The following LY96 variants were observed in gnomAD, a reference collection of about 807,000 sequenced individuals.
LY96 encodes the protein lymphocyte antigen 96.
A neutral mutation model predicts 18.9 loss-of-function variants in LY96; 18 were observed. That is an observed-to-expected ratio of 0.95 (90% confidence interval 0.66 to 1.41). The LOEUF (loss-of-function observed/expected upper bound fraction) is 1.41, where lower values mean the gene tolerates loss of function less well. Among genes scored for constraint, LY96 ranks in the 40% most tolerant of loss-of-function variants. LY96 has a pLI of 0.00. For missense variants in LY96, 175 were observed against 182.4 expected, an observed-to-expected ratio of 0.96 and a Z score of 0.23; for synonymous variants, 66 against 62.6, an observed-to-expected ratio of 1.06 and a Z score of -0.26.
chr8:74,054,190 C>A, the LY96 span, among the ~76,000 whole-genome samples: 2 of 152,070 alleles, frequency 1.3e-5, no homozygotes, highest in African/African-American at 4.8e-5. Context: ...CCATGCCCAA[C>A]TATTTACAAG....
At chr8:74,017,868 A>G (rs555541540) in intron 3 of LY96, among the ~76,000 whole-genome samples, 3 of 152,342 alleles carry the variant, frequency 2.0e-5, no homozygotes, top group African/African-American at 7.2e-5. Context: ...TTTTGCCACC[A>G]CCAGGCCTGC....
At chr8:74,089,844 A>G in the LY96 span, among the ~76,000 whole-genome samples, 3 of 152,078 alleles carry the variant, frequency 2.0e-5, no homozygotes, top group Non-Finnish European at 4.4e-5. Flanking sequence ...GTGCTGTTTG[A>G]GCAAAGACCT....
intron 1 of LY96, among the ~76,000 whole-genome samples, chr8:73,993,544 G>T (rs1381281926): frequency 6.6e-6 from 1 of 152,136 alleles, no homozygotes; most frequent in Non-Finnish European, 1.5e-5. Flanking sequence ...CTGGGTTCAA[G>T]TGATTCTCCT....
chr8:74,008,136 T>C (rs895722134), intron 2 of LY96, among the ~76,000 whole-genome samples: 4 of 152,250 alleles, frequency 2.6e-5, no homozygotes, highest in Non-Finnish European at 2.9e-5. Flanking sequence ...TGTCTCATTG[T>C]TGCCATCGTT....
At chr8:74,003,963 C>G (rs2131262193) in intron 1 of LY96, among the ~76,000 whole-genome samples, 1 of 152,254 alleles carries the variant, frequency 6.6e-6, no homozygotes, top group South Asian at 2.1e-4. Context: ...TTTTTGTCCA[C>G]CTATTCCATA....
chr8:74,088,451 C>T, the LY96 span, among the ~76,000 whole-genome samples: 37 of 152,274 alleles, frequency 2.4e-4, no homozygotes, highest in African/African-American at 8.4e-4. Flanking sequence ...CTTACCTTTC[C>T]GCTCTGCTCC....
At chr8:74,032,498 G>A (rs188921608), downstream of LY96, among the ~76,000 whole-genome samples, 4 of 152,220 alleles carry the variant, frequency 2.6e-5, no homozygotes, top group East Asian at 7.7e-4. Context: ...CCCCTGTTAC[G>A]TACCCCCTGC....
the LY96 span, among the ~76,000 whole-genome samples, chr8:74,050,180 T>C: frequency 6.6e-6 from 1 of 151,820 alleles, no homozygotes; most frequent in African/African-American, 2.4e-5. Context: ...CCATCTCTAC[T>C]AAAAATACAA....
At chr8:74,083,916 G>T in the LY96 span, among the ~76,000 whole-genome samples, 62 of 151,474 alleles carry the variant, frequency 4.1e-4, 1 homozygote, top group African/African-American at 1.4e-3. Context: ...AGAATTCCTG[G>T]GCTCAAATGA....
Position 74,029,001 on chromosome 8 carries a change from G to T in LY96, c.430G>T (p.Glu144Ter). The T allele has an allele frequency of 1.9e-6, 3 of 1,612,602 alleles. No individual in the cohort carries two copies. Among genetic ancestry groups the T allele is most frequent in the Non-Finnish European group, 2.5e-6 (3 of 1,179,186 alleles). The change falls in exon 5 of 5, where the codon GAA becomes TAA. Residue 144 changes from glutamate (E) to a stop codon, truncating the protein, a stop_gained. Transcript: ENST00000284818. LOFTEE classifies it high-confidence loss of function. ...TGAAGCTATTTCTGGGAGCCCAGAA[G>T]AAATGCTCTTTTGCTTGGAGTTTGT... ...VVEAISGSPE[E>*]MLFCLEFVIL...
chr8:74,064,187 C>T, the LY96 span, among the ~76,000 whole-genome samples: 2 of 152,070 alleles, frequency 1.3e-5, no homozygotes, highest in Non-Finnish European at 1.5e-5. Flanking sequence ...ATAATGATGA[C>T]AATGTCCATT....
intron 2 of LY96, among the ~76,000 whole-genome samples, chr8:74,005,904 T>G (rs1327830667): frequency 6.6e-6 from 1 of 152,238 alleles, no homozygotes; most frequent in Admixed American, 6.5e-5. Flanking sequence ...GGAGCTTGTT[T>G]TAGATTAATA....
chr8:74,046,576 C>A, the LY96 span, among the ~76,000 whole-genome samples: 5 of 151,928 alleles, frequency 3.3e-5, no homozygotes, highest in Non-Finnish European at 5.9e-5. Context: ...CCACCCCCCA[C>A]GCAAAAAAAC....
At chr8:74,087,548 T>C in the LY96 span, among the ~76,000 whole-genome samples, 1 of 152,214 alleles carries the variant, frequency 6.6e-6, no homozygotes, top group South Asian at 2.1e-4. Flanking sequence ...TGGTGTGGTC[T>C]ACACTTGGAG....
intron 1 of LY96, among the ~76,000 whole-genome samples, chr8:74,001,975 C>A (rs190959982): frequency 0.018 from 2,443 of 137,194 alleles, 187 homozygotes; most frequent in African/African-American, 0.065. Context: ...TCCTTCCTTC[C>A]TTCCCTCCCT....
chr8:74,006,910 G>C (rs1223152250), intron 2 of LY96, among the ~76,000 whole-genome samples: 1 of 152,224 alleles, frequency 6.6e-6, no homozygotes, highest in East Asian at 1.9e-4. Flanking sequence ...CACTAAGAAG[G>C]AATTAGGCTA....
chr8:74,044,526 G>A, the LY96 span, among the ~76,000 whole-genome samples: 4 of 151,934 alleles, frequency 2.6e-5, no homozygotes, highest in African/African-American at 9.7e-5. Flanking sequence ...TAGCCAGAGG[G>A]GCTGTAAAAT....
the LY96 span, among the ~76,000 whole-genome samples, chr8:74,078,159 T>C: frequency 5.3e-5 from 8 of 152,078 alleles, no homozygotes; most frequent in Non-Finnish European, 8.8e-5. Flanking sequence ...GTATCTATTA[T>C]TGAGTGTCTT....
chr8:74,003,729 C>G (rs1484024310), intron 1 of LY96, among the ~76,000 whole-genome samples: 4 of 152,200 alleles, frequency 2.6e-5, no homozygotes, highest in Non-Finnish European at 5.9e-5. Flanking sequence ...TCTTTGTGTC[C>G]TATCTTCTCA....
Sources: gnomAD v4.1 joint callset for allele counts (sites outside exome capture counted in the v4.1 genomes callset) on GRCh38, gnomAD v4.1.1 for gene constraint, MANE v1.5 for transcripts, NCBI Gene and HGNC (gene_info 2026-07-23, HGNC 2026-07-21) for gene names.